The following DLG2 variants were observed in gnomAD, a reference collection of about 807,000 sequenced individuals.
DLG2 encodes the protein disks large homolog 2.
Under a neutral mutation model 132.5 loss-of-function variants are expected in DLG2, and 45 were observed. The observed-to-expected ratio is 0.34, with a 90% CI of 0.27 to 0.44. The LOEUF (loss-of-function observed/expected upper bound fraction) is 0.44, where lower values mean the gene tolerates loss of function less well. Ranked by LOEUF, DLG2 falls within the 20% of genes least tolerant of loss-of-function variation. The pLI is 1.00. For synonymous variants in DLG2, 424 were observed against 419.6 expected, an observed-to-expected ratio of 1.01 and a Z score of -0.13; for missense variants, 1,045 against 1,196.9, an observed-to-expected ratio of 0.87 and a Z score of 1.87.
intron 3 of DLG2, among the ~76,000 whole-genome samples, chr11:85,578,101 T>C (rs2078267979): frequency 6.6e-6 from 1 of 152,044 alleles, no homozygotes; most frequent in South Asian, 2.1e-4. Context: ...CCTACCACAA[T>C]CTGATCTTCG....
intron 7 of DLG2, among the ~76,000 whole-genome samples, chr11:84,420,594 G>A (rs182385029): frequency 8.6e-5 from 12 of 139,044 alleles, no homozygotes; most frequent in Admixed American, 4.5e-4. Flanking sequence ...TTTAGAATGA[G>A]ATTTAATTTG....
intron 7 of DLG2, among the ~76,000 whole-genome samples, chr11:84,290,899 C>A (rs2097984127): frequency 6.6e-6 from 1 of 151,970 alleles, no homozygotes; most frequent in Admixed American, 6.6e-5. Flanking sequence ...GAGTAAGTTG[C>A]TTAAACTCTC....
At chr11:84,226,570 T>G (rs531565105) in intron 8 of DLG2, among the ~76,000 whole-genome samples, 9 of 152,334 alleles carry the variant, frequency 5.9e-5, no homozygotes, top group African/African-American at 2.2e-4. Context: ...AACATATGCA[T>G]TGTACAGTTC....
At chr11:83,592,530 C>T (rs1171977419) in intron 19 of DLG2, among the ~76,000 whole-genome samples, 1 of 152,068 alleles carries the variant, frequency 6.6e-6, no homozygotes, top group African/African-American at 2.4e-5. Context: ...GACCTAAAAC[C>T]ATAAAAACCC....
intron 9 of DLG2, among the ~76,000 whole-genome samples, chr11:84,152,656 G>T (rs2095329539): frequency 1.3e-5 from 2 of 152,038 alleles, no homozygotes; most frequent in Admixed American, 6.5e-5. Flanking sequence ...AAAGTGCTGG[G>T]ATTACAGGCG....
rs181110227 is a variant in DLG2, at chr11:85,507,522, A to G, written c.40+91135T>C. On this transcript the variant is annotated intron_variant, in intron 3 of 27. Coordinates refer to ENST00000376104, the MANE Select transcript of DLG2 (RefSeq NM_001142699.3). ...TGGATTGAAAATTATTTTCTTTAAG[A>G]AAGTTGAATATTGGACCACACTTTC... 9.1e-4 allele frequency among the ~76,000 whole-genome samples: 138 copies of G among 152,306 alleles called. 1 individual carries two copies. The highest frequency in any genetic ancestry group is 3.2e-3 in the African/African-American group (131 of 41,572).
In DLG2 at chr11:85,089,224, C is replaced by T. The variant is rs950839549; in HGVS notation, c.357+22437G>A. Among the ~76,000 whole-genome samples, 3 of 152,062 alleles carry T rather than the reference C, an allele frequency of 2.0e-5. No homozygotes were observed. In the South Asian group the frequency reaches 6.2e-4, roughly 32 times the overall value. On this transcript the variant is annotated intron_variant, in intron 6 of 27. Transcript: ENST00000376104. Reference sequence around the variant, plus strand: ...CTGATGTTTGAGGTGTGATTCATCCCGTCATCCAGGTAGTGACTGCAGTAC... The same window carrying T: ...CTGATGTTTGAGGTGTGATTCATCCTGTCATCCAGGTAGTGACTGCAGTAC...
intron 7 of DLG2, among the ~76,000 whole-genome samples, chr11:84,458,703 C>T (rs1203007394): frequency 6.6e-6 from 1 of 150,588 alleles, no homozygotes. Context: ...CAAATCTATT[C>T]ATTCTTTGTG....
At chr11:84,360,025 C>A (rs766390676) in intron 7 of DLG2, among the ~76,000 whole-genome samples, 1 of 151,844 alleles carries the variant, frequency 6.6e-6, no homozygotes, top group African/African-American at 2.4e-5. Flanking sequence ...GCAATCTATT[C>A]TAGTTTCTAA....
chr11:83,794,437 G>GTTTTTTTTTTTTTT, intron 17 of DLG2, among the ~76,000 whole-genome samples: 1 of 127,498 alleles, frequency 7.8e-6, no homozygotes, highest in Non-Finnish European at 1.7e-5. Flanking sequence ...TTTACTATTG[G>GTTTTTTTTTTTTTT]TTTTTTTTTT....
intron 3 of DLG2, among the ~76,000 whole-genome samples, chr11:85,381,323 A>T (rs189353997): frequency 1.3e-3 from 191 of 152,314 alleles, no homozygotes; most frequent in African/African-American, 4.6e-3. Context: ...CAAATGCATC[A>T]GTCTGTATAA....
At chr11:83,601,510 C>CTTTTTT (rs71066054) in intron 19 of DLG2, among the ~76,000 whole-genome samples, 4,961 of 94,462 alleles carry the variant, frequency 0.053, 856 homozygotes, top group South Asian at 0.09. Context: ...ATGTGATGTT[C>CTTTTTT]TTTTTTTTTT....
At chr11:84,376,598 C>G (rs1055121173) in intron 7 of DLG2, among the ~76,000 whole-genome samples, 3 of 151,628 alleles carry the variant, frequency 2.0e-5, no homozygotes, top group Non-Finnish European at 4.4e-5. Context: ...ATACGAAACC[C>G]AAGTATAGTG....
At chr11:83,912,169 A>ATTT (rs66581760) in intron 15 of DLG2, among the ~76,000 whole-genome samples, 4 of 151,630 alleles carry the variant, frequency 2.6e-5, no homozygotes, top group South Asian at 4.1e-4. Context: ...ATTATATAAA[A>ATTT]TTTTTGTCAA....
At chr11:84,293,737 T>C (rs1311640659) in intron 7 of DLG2, among the ~76,000 whole-genome samples, 4 of 152,120 alleles carry the variant, frequency 2.6e-5, no homozygotes, top group Non-Finnish European at 4.4e-5. Context: ...AAACTTCATA[T>C]AATGAGAGTT....
At chr11:85,060,614 A>G (rs1333370377) in intron 6 of DLG2, among the ~76,000 whole-genome samples, 3 of 151,672 alleles carry the variant, frequency 2.0e-5, no homozygotes, top group African/African-American at 4.8e-5. Flanking sequence ...CCTCATAGAT[A>G]TTGTGAATAA....
At chr11:84,611,287 A>G (rs1412966169) in intron 6 of DLG2, among the ~76,000 whole-genome samples, 2 of 152,166 alleles carry the variant, frequency 1.3e-5, no homozygotes, top group Admixed American at 6.6e-5. Context: ...GATGAGTGTT[A>G]AAGGCAACAG....
At chr11:84,978,228 C>G (rs1592130950) in intron 6 of DLG2, among the ~76,000 whole-genome samples, 2 of 152,274 alleles carry the variant, frequency 1.3e-5, no homozygotes, top group East Asian at 3.9e-4. Context: ...CAAAGAAACA[C>G]TGAAGGAGAC....
Position 85,150,010 on chromosome 11 carries a change from A to ATTTT in DLG2, c.282+4542_282+4545dup, listed in dbSNP as rs962380618. 9.9e-4 allele frequency among the ~76,000 whole-genome samples: 111 copies of ATTTT among 112,302 alleles called. 9 individuals carry two copies. The highest frequency in any genetic ancestry group is 3.2e-3 in the African/African-American group (84 of 26,094). 73.7% of individuals were successfully genotyped at this position (112,302 alleles called of 152,430 possible). A position where few individuals can be genotyped will look rare whatever the true frequency, so the allele number is the denominator to read the frequency against. Reference sequence around the variant, plus strand: ...ATTAACTCAAAAACATCAGTTTTTAATTTTTTTTTTTTTTTTTTTTTTTTT... The same window carrying ATTTT: ...ATTAACTCAAAAACATCAGTTTTTAATTTTTTTTTTTTTTTTTTTTTTTTTTTTT... On this transcript the variant is annotated intron_variant, in intron 5 of 27. Coordinates refer to ENST00000376104, the MANE Select transcript of DLG2 (RefSeq NM_001142699.3).
Sources: gnomAD v4.1 joint callset for allele counts (sites outside exome capture counted in the v4.1 genomes callset) on GRCh38, gnomAD v4.1.1 for gene constraint, MANE v1.5 for transcripts, NCBI Gene and HGNC (gene_info 2026-07-23, HGNC 2026-07-21) for gene names.